LRRC4C: variants seen among roughly 807,000 people sequenced by gnomAD.
LRRC4C encodes leucine-rich repeat-containing protein 4C.
A neutral mutation model predicts 33.6 loss-of-function variants in LRRC4C; 5 were observed. The ratio of observed to expected loss-of-function variants is 0.15; its 90% confidence interval spans 0.08 to 0.31. The LOEUF is 0.31. Among genes scored for constraint, LRRC4C ranks in the 10% least tolerant of loss-of-function variants. The pLI is 1.00. For synonymous variants in LRRC4C, 329 were observed against 302.0 expected (o/e 1.09, Z -0.93); for missense variants, 560 against 796.7 (o/e 0.70, Z 3.58).
At chr11:40,788,300 A>AT (rs76779664) in intron 2 of LRRC4C, among the ~76,000 whole-genome samples, 260 of 151,478 alleles carry the variant, frequency 1.7e-3, no homozygotes, top group African/African-American at 4.9e-3. Context: ...GCAACTGAAC[A>AT]TTTTTTTTTC....
At chr11:40,266,633 TA>T (rs1942278731) in intron 4 of LRRC4C, among the ~76,000 whole-genome samples, 2 of 152,076 alleles carry the variant, frequency 1.3e-5, no homozygotes, top group Non-Finnish European at 2.9e-5. Flanking sequence ...CTTTAAGTAA[TA>T]CATAATATGA....
intron 1 of LRRC4C, among the ~76,000 whole-genome samples, chr11:41,035,019 A>T (rs1466878185): frequency 6.7e-6 from 1 of 149,898 alleles, no homozygotes; most frequent in Non-Finnish European, 1.5e-5. Context: ...ATTTATTTTT[A>T]AGTTCCAGGG....
In LRRC4C at chr11:40,721,917, C is replaced by G. The variant is rs539163222; in HGVS notation, c.-406-73639G>C. Among the ~76,000 whole-genome samples the G allele has an allele frequency of 7.2e-5, 11 of 152,134 alleles. No individual in the cohort carries two copies. In the South Asian group the frequency reaches 2.1e-3, roughly 29 times the overall value. On this transcript the variant is annotated intron_variant, in intron 2 of 6. Coordinates refer to ENST00000528697, the MANE Select transcript of LRRC4C (RefSeq NM_001258419.2). Reference sequence around the variant, plus strand: ...GATCGCGCCACTGCACTCCATCCAGCCTGGGCGACAGAGCGACACTCCCTC... The same window carrying G: ...GATCGCGCCACTGCACTCCATCCAGGCTGGGCGACAGAGCGACACTCCCTC...
chr11:40,847,976 T>G (rs181725384), intron 2 of LRRC4C, among the ~76,000 whole-genome samples: 55 of 152,228 alleles, frequency 3.6e-4, no homozygotes, highest in Middle Eastern at 3.4e-3. Flanking sequence ...TGGTAGTTTT[T>G]ATTTCTGAGG....
intron 3 of LRRC4C, among the ~76,000 whole-genome samples, chr11:40,557,384 T>G (rs889799362): frequency 1.3e-5 from 2 of 152,212 alleles, no homozygotes; most frequent in Non-Finnish European, 2.9e-5. Context: ...AATATCTTGA[T>G]GAGCTATAGT....
intron 1 of LRRC4C, among the ~76,000 whole-genome samples, chr11:41,450,153 T>C (rs1955971705): frequency 6.6e-6 from 1 of 152,106 alleles, no homozygotes; most frequent in South Asian, 2.1e-4. Flanking sequence ...CTTAGACATG[T>C]TTCCCTCTAG....
intron 3 of LRRC4C, among the ~76,000 whole-genome samples, chr11:40,588,742 G>T (rs1227667907): frequency 6.6e-6 from 1 of 152,198 alleles, no homozygotes; most frequent in African/African-American, 2.4e-5. Context: ...GTACCCAGTA[G>T]TCGTTCAGGA....
intron 1 of LRRC4C, among the ~76,000 whole-genome samples, chr11:41,317,451 A>C (rs955947929): frequency 1.3e-5 from 2 of 152,130 alleles, no homozygotes; most frequent in Admixed American, 1.3e-4. Flanking sequence ...AACTACAAGG[A>C]GTATAGAAAT....
At chr11:41,355,989 G>T (rs987121861) in intron 1 of LRRC4C, among the ~76,000 whole-genome samples, 4 of 152,026 alleles carry the variant, frequency 2.6e-5, no homozygotes, top group African/African-American at 9.7e-5. Context: ...TAAAAAAGAG[G>T]ATGATAATAA....
chr11:40,571,719 A>G (rs1232304198), intron 3 of LRRC4C, among the ~76,000 whole-genome samples: 1 of 152,156 alleles, frequency 6.6e-6, no homozygotes, highest in East Asian at 1.9e-4. Context: ...CCTGATCATT[A>G]TAGATCTTTA....
At chr11:40,488,058 C>A (rs1432798531) in intron 3 of LRRC4C, among the ~76,000 whole-genome samples, 2 of 152,006 alleles carry the variant, frequency 1.3e-5, no homozygotes, top group Non-Finnish European at 2.9e-5. Flanking sequence ...ATTAAATTAG[C>A]CCTTCAACTG....
intron 1 of LRRC4C, among the ~76,000 whole-genome samples, chr11:41,160,510 A>T (rs1313617064): frequency 6.6e-6 from 1 of 152,144 alleles, no homozygotes; most frequent in Non-Finnish European, 1.5e-5. Flanking sequence ...TTTTGTCCTG[A>T]ACATGAGTTG....
intron 1 of LRRC4C, among the ~76,000 whole-genome samples, chr11:40,962,309 A>G (rs1232566152): frequency 6.6e-6 from 1 of 151,620 alleles, no homozygotes; most frequent in Admixed American, 6.6e-5. Flanking sequence ...ATCATTTAGA[A>G]GGAAAGCAGG....
At position 40,135,561 on chromosome 11, in the gene LRRC4C, C is replaced by T. The variant is rs1357771586; in HGVS notation, c.-43+5240G>A. Among the ~76,000 whole-genome samples, 7 of 152,270 alleles carry T rather than the reference C, an allele frequency of 4.6e-5. No homozygotes were observed. The East Asian group carries it at 1.2e-3, about 25-fold the overall frequency. ...ATAAGGAGCTGGGTCCTTATGGTAT[C>T]ATAATGGGATAAGAAAGTAGGGAAG... On this transcript the variant is annotated intron_variant, in intron 6 of 6. Transcript: ENST00000528697.
chr11:40,586,116 C>A (rs1591186338), intron 3 of LRRC4C, among the ~76,000 whole-genome samples: 1 of 149,152 alleles, frequency 6.7e-6, no homozygotes, highest in Non-Finnish European at 1.5e-5. Flanking sequence ...CCTATTTCTC[C>A]ACATCCTCTC....
At chr11:41,173,254 C>G (rs915980126) in intron 1 of LRRC4C, among the ~76,000 whole-genome samples, 1 of 152,044 alleles carries the variant, frequency 6.6e-6, no homozygotes, top group Non-Finnish European at 1.5e-5. Flanking sequence ...AGGACTAACC[C>G]GCAGCTCTTT....
chr11:40,230,581 C>G (rs777369768), intron 5 of LRRC4C, among the ~76,000 whole-genome samples: 9 of 152,162 alleles, frequency 5.9e-5, no homozygotes, highest in Non-Finnish European at 1.3e-4. Context: ...GGAGAAGAAA[C>G]AATTTTTGTG....
intron 5 of LRRC4C, among the ~76,000 whole-genome samples, chr11:40,198,343 C>T (rs1360471311): frequency 6.6e-6 from 1 of 152,162 alleles, no homozygotes; most frequent in Non-Finnish European, 1.5e-5. Context: ...AGCTGAGATC[C>T]ACCACAATTC....
chr11:41,290,652 A>G (rs1309268464), intron 1 of LRRC4C, among the ~76,000 whole-genome samples: 2 of 152,190 alleles, frequency 1.3e-5, no homozygotes, highest in Admixed American at 1.3e-4. Flanking sequence ...ATGACTGTCT[A>G]TATTAGCATG....
Sources: gnomAD v4.1 joint callset for allele counts (sites outside exome capture counted in the v4.1 genomes callset) on GRCh38, gnomAD v4.1.1 for gene constraint, MANE v1.5 for transcripts, NCBI Gene and HGNC (gene_info 2026-07-23, HGNC 2026-07-21) for gene names.